Variants in SHANK2 observed in about 807,000 individuals in gnomAD.
SHANK2 encodes the protein SH3 and multiple ankyrin repeat domains 2.
A neutral mutation model predicts 133.7 loss-of-function variants in SHANK2; 43 were observed. That is an observed-to-expected ratio of 0.32 (90% CI 0.25 to 0.41). The LOEUF (loss-of-function observed/expected upper bound fraction) is 0.41, where lower values mean the gene tolerates loss of function less well. Among genes scored for constraint, SHANK2 ranks in the 10% least tolerant of loss-of-function variants. The pLI, the probability that SHANK2 is intolerant of heterozygous loss-of-function variation, is 1.00. For missense variants in SHANK2, 1,994 were observed against 2,235.8 expected, an observed-to-expected ratio of 0.89 and a Z score of 2.18; for synonymous variants, 1,017 against 952.8, an observed-to-expected ratio of 1.07 and a Z score of -1.24.
chr11:70,642,016 G>A lies in SHANK2; in HGVS notation c.2061+17812C>T, dbSNP rs73523878. On this transcript the variant is annotated intron_variant, in intron 17 of 25. Coordinates refer to ENST00000601538, the MANE Select transcript of SHANK2 (RefSeq NM_012309.5). ...CAGGCTCTTTCCTGGGAGTTCCTGG[G>A]TCTGGAGAGAAGGCTACGGGGGACT... 2.9e-3 allele frequency among the ~76,000 whole-genome samples: 444 copies of A among 152,330 alleles called. 3 individuals are homozygous for A. Among genetic ancestry groups the A allele is most frequent in the African/African-American group, 0.01 (432 of 41,580 alleles).
chr11:70,497,672 G>A (rs1591504907), intron 21 of SHANK2, among the ~76,000 whole-genome samples: 1 of 152,264 alleles, frequency 6.6e-6, no homozygotes, highest in African/African-American at 2.4e-5. Context: ...GCTGACTTCA[G>A]TGCAGGTTCC....
chr11:71,218,174 T>A (rs10897802), intron 2 of SHANK2, among the ~76,000 whole-genome samples: 43,135 of 151,434 alleles, frequency 0.28, 6,231 homozygotes, highest in Middle Eastern at 0.41. Flanking sequence ...GGTATTTTTT[T>A]AAAAAAATTA....
chr11:71,168,386 G>A (rs1400590738), intron 2 of SHANK2, among the ~76,000 whole-genome samples: 75 of 150,386 alleles, frequency 5.0e-4, no homozygotes, highest in Non-Finnish European at 8.6e-4. Context: ...GACGATGGGC[G>A]GCCGGGCAGA....
intron 17 of SHANK2, among the ~76,000 whole-genome samples, chr11:70,512,756 CTG>C (rs1275726770): frequency 6.6e-6 from 1 of 152,182 alleles, no homozygotes; most frequent in African/African-American, 2.4e-5. Context: ...TGATTCTTTC[CTG>C]TGTTGGATCT....
rs782537212 is a variant in SHANK2 at position 70,807,324 on chromosome 11, C to T, written c.1494-153G>A. ...GCCAGACAGGAAGATGGGAACAGGC[C>T]GGGGCAGCACTGTGGTCAGAGGCTC... On this transcript the variant is annotated intron_variant, in intron 12 of 25. Transcript: ENST00000601538. The surrounding 1 kb of genome is among the most constrained non-coding windows in gnomAD (Gnocchi z 4.8). Among the ~76,000 whole-genome samples, 57 of 152,312 alleles carry T rather than the reference C, an allele frequency of 3.7e-4. No individual in the cohort carries two copies. The highest frequency in any genetic ancestry group is 3.4e-3 in the Middle Eastern group (1 of 294).
At chr11:70,629,490 G>T (rs1323164267) in intron 17 of SHANK2, among the ~76,000 whole-genome samples, 9 of 152,190 alleles carry the variant, frequency 5.9e-5, no homozygotes, top group African/African-American at 1.9e-4. Flanking sequence ...TGGCGGGAGA[G>T]GGAGGTCTGG....
chr11:70,662,245 C>A lies in SHANK2; in HGVS notation c.1854-567G>T, dbSNP rs545162263. 2.1e-4 allele frequency: 41 copies of A among 198,014 alleles called. No individual in the cohort carries two copies. The South Asian group carries it at 3.8e-3, about 18-fold the overall frequency. The allele number at this position is 198,014 out of a possible 1,614,324, so 12.3% of individuals were successfully genotyped here. On this transcript the variant is annotated intron_variant, in intron 15 of 25. Coordinates refer to ENST00000601538, the MANE Select transcript of SHANK2 (RefSeq NM_012309.5). Reference sequence around the variant, plus strand: ...TCCCCGCACGAGCCGGCAGCAGGCACCAGAGACGCAGGGACCTGCGCGTCG... The same window carrying A: ...TCCCCGCACGAGCCGGCAGCAGGCAACAGAGACGCAGGGACCTGCGCGTCG...
chr11:71,176,074 G>A lies in SHANK2; in HGVS notation c.-12-28736C>T, dbSNP rs116333344. Among the ~76,000 whole-genome samples, 1,177 of 152,308 alleles carry A rather than the reference G, an allele frequency of 7.7e-3. 15 individuals carry two copies. Among genetic ancestry groups the A allele is most frequent in the African/African-American group, 0.027 (1,134 of 41,564 alleles). Reference sequence around the variant, plus strand: ...AATACATACTAATTACATAGGCCAGGAACAGTGTCTGTTCCCATCTCACCA... The same window carrying A: ...AATACATACTAATTACATAGGCCAGAAACAGTGTCTGTTCCCATCTCACCA... On this transcript the variant is annotated intron_variant, in intron 2 of 25. Transcript: ENST00000601538.
intron 2 of SHANK2, among the ~76,000 whole-genome samples, chr11:71,189,781 T>A (rs1283418517): frequency 1.3e-5 from 2 of 152,218 alleles, no homozygotes; most frequent in African/African-American, 4.8e-5. Context: ...AAACTCCATG[T>A]CCAGAGCTCC....
intron 21 of SHANK2, among the ~76,000 whole-genome samples, chr11:70,498,890 C>T (rs1468304704): frequency 9.2e-5 from 14 of 152,148 alleles, no homozygotes; most frequent in Non-Finnish European, 1.3e-4. Context: ...GGATTTAGGG[C>T]CCACCCGAGT....
Position 71,191,204 on chromosome 11 carries a change from G to A in SHANK2, c.-13+33493C>T, listed in dbSNP as rs150736615. 2.5e-3 allele frequency among the ~76,000 whole-genome samples: 386 copies of A among 151,942 alleles called. 1 individual carries two copies. Among genetic ancestry groups the A allele is most frequent in the African/African-American group, 9.0e-3 (371 of 41,426 alleles). The stretch of plus-strand genomic sequence containing the variant: ...AGAAAAAAAAAATGCAAAAATGAAC[G>A]CAGCACACTCAGCTGTATCCCCATC... On this transcript the variant is annotated intron_variant, in intron 2 of 25. Transcript: ENST00000601538.
intron 17 of SHANK2, among the ~76,000 whole-genome samples, chr11:70,554,370 C>T (rs1434079925): frequency 6.6e-6 from 1 of 152,242 alleles, no homozygotes; most frequent in Non-Finnish European, 1.5e-5. Flanking sequence ...GCCTCTTTTC[C>T]ACCTGTTCTG....
intron 17 of SHANK2, among the ~76,000 whole-genome samples, chr11:70,633,259 TGTATAA>T (rs1256966781): frequency 3.4e-5 from 5 of 148,436 alleles, no homozygotes; most frequent in African/African-American, 9.8e-5. Flanking sequence ...ATATAAAACA[TGTATAA>T]GTATATTTAT....
chr11:71,089,558 T>C (rs1951469772), intron 8 of SHANK2, among the ~76,000 whole-genome samples: 1 of 152,050 alleles, frequency 6.6e-6, no homozygotes, highest in Non-Finnish European at 1.5e-5. Context: ...GCAGGCTGTG[T>C]ATTCAGGACA....
chr11:70,684,093 T>C (rs782813091), intron 15 of SHANK2, among the ~76,000 whole-genome samples: 30 of 152,058 alleles, frequency 2.0e-4, no homozygotes, highest in Non-Finnish European at 3.2e-4. Flanking sequence ...CCTGGATGCA[T>C]AGTTTTGAAT....
At chr11:70,755,336 C>T (rs879950893) in intron 14 of SHANK2, among the ~76,000 whole-genome samples, 2 of 152,208 alleles carry the variant, frequency 1.3e-5, no homozygotes, top group Admixed American at 6.5e-5. Context: ...CCTCCCAAAG[C>T]GCTGGGATTA....
At chr11:70,864,571 G>C (rs1949322507) in intron 11 of SHANK2, 1 of 152,196 alleles carries the variant, frequency 6.6e-6, no homozygotes, top group Admixed American at 6.5e-5. Context: ...TTGGGGGAAG[G>C]CCTCTATTCT....
chr11:71,206,568 A>G (rs1369066300), intron 2 of SHANK2, among the ~76,000 whole-genome samples: 4 of 152,162 alleles, frequency 2.6e-5, no homozygotes, highest in Admixed American at 6.5e-5. Context: ...CAGCAAAATT[A>G]CAGCGCTCAT....
chr11:70,528,131 A>G (rs575329781), intron 17 of SHANK2, among the ~76,000 whole-genome samples: 1 of 152,340 alleles, frequency 6.6e-6, no homozygotes, highest in Non-Finnish European at 1.5e-5. Context: ...CCAACCGAGC[A>G]TCAGGTGCAC....
Sources: gnomAD v4.1 joint callset for allele counts (sites outside exome capture counted in the v4.1 genomes callset) on GRCh38, gnomAD v4.1.1 for gene constraint, Gnocchi (gnomAD v3.1) non-coding constraint, MANE v1.5 for transcripts, NCBI Gene and HGNC (gene_info 2026-07-23, HGNC 2026-07-21) for gene names.